Variants in FRMPD3 observed in about 807,000 individuals in gnomAD.
The protein encoded by FRMPD3 is FERM and PDZ domain containing 3.
In FRMPD3, 42 loss-of-function variants were observed where a neutral mutation model predicts 97.9. The ratio of observed to expected loss-of-function variants is 0.43; its 90% CI spans 0.34 to 0.55. The LOEUF is 0.55. Ranked by LOEUF, FRMPD3 falls within the 20% of genes least tolerant of loss-of-function variation. The pLI is 0.03. For missense variants in FRMPD3, 1,303 were observed against 1,457.7 expected, an observed-to-expected ratio of 0.89 and a Z score of 1.73; for synonymous variants, 577 against 581.1, an observed-to-expected ratio of 0.99 and a Z score of 0.10.
chrX:107,522,256 A>G (rs916741100), intron 1 of FRMPD3, among the ~76,000 whole-genome samples: 9 of 112,006 alleles, frequency 8.0e-5, no homozygotes, highest in African/African-American at 2.9e-4. Context: ...TAATGCTATC[A>G]ATAACATCGC....
At chrX:107,486,028 T>G (rs1921494872) in intron 1 of FRMPD3, among the ~76,000 whole-genome samples, 1 of 112,301 alleles carries the variant, frequency 8.9e-6, no homozygotes, top group African/African-American at 3.2e-5. Context: ...TCCTGCCTTG[T>G]CCATGACGGA....
At chrX:107,527,926 G>T (rs995381009) in intron 2 of FRMPD3, among the ~76,000 whole-genome samples, 6 of 111,571 alleles carry the variant, frequency 5.4e-5, no homozygotes, top group Admixed American at 1.9e-4. Context: ...TGGCAAAAAG[G>T]TTTTGAATCT....
In FRMPD3 at chrX:107,590,351, A is replaced by AAAAGAAAGAAAG. The variant is rs200194961; in HGVS notation, c.1442-6954_1442-6943dup. On this transcript the variant is annotated intron_variant, in intron 13 of 14. Transcript: ENST00000683843. The stretch of plus-strand genomic sequence containing the variant: ...TCTGGACAGACCCCAGACTAAAAAG[A>AAAAGAAAGAAAG]AAAGAAAGAAAGAAAGAAAGAAAGA... 4.1e-3 allele frequency among the ~76,000 whole-genome samples: 452 copies of AAAAGAAAGAAAG among 109,040 alleles called. 8 individuals are homozygous for AAAAGAAAGAAAG. The highest frequency in any genetic ancestry group is 0.015 in the African/African-American group (428 of 28,589). The allele number at this position is 109,040 out of a possible 115,157, so 94.7% of individuals were successfully genotyped here. A position where few individuals can be genotyped will look rare whatever the true frequency, so the allele number is the denominator to read the frequency against.
intron 4 of FRMPD3, among the ~76,000 whole-genome samples, chrX:107,540,299 G>C (rs1005354074): frequency 8.9e-6 from 1 of 111,926 alleles, no homozygotes; most frequent in African/African-American, 3.3e-5. Flanking sequence ...GTAGGCTCAG[G>C]TGTCAAAGGC....
chrX:107,600,247 G>T, intron 14 of FRMPD3, 56 bp from the exon 15 acceptor site: 2 of 1,118,966 alleles, frequency 1.8e-6, no homozygotes, highest in Non-Finnish European at 2.4e-6. Flanking sequence ...ACCGTGTAGA[G>T]CTGGAAAAGA....
chrX:107,489,654 C>T (rs1398779070), intron 1 of FRMPD3, among the ~76,000 whole-genome samples: 1 of 112,150 alleles, frequency 8.9e-6, no homozygotes, highest in Non-Finnish European at 1.9e-5. Flanking sequence ...AGTGTCTGTT[C>T]ATATCCTTTG....
chrX:107,566,506 G>A (rs767547593), intron 12 of FRMPD3, among the ~76,000 whole-genome samples: 1 of 112,259 alleles, frequency 8.9e-6, no homozygotes, highest in African/African-American at 3.2e-5. Context: ...GGGCAGAGAA[G>A]GGGGCAGGGA....
At chrX:107,597,220 C>T in intron 13 of FRMPD3, 101 bp from the exon 14 acceptor site, 1 of 725,272 alleles carries the variant, frequency 1.4e-6, no homozygotes, top group South Asian at 2.6e-5. Context: ...TGGGACCTGC[C>T]ACTTGATTGT....
chrX:107,554,863 T>G (rs1412132167), intron 8 of FRMPD3: 2 of 186,813 alleles, frequency 1.1e-5, no homozygotes, highest in East Asian at 2.2e-4. Flanking sequence ...GATTCCCAAT[T>G]CAGTTTATCC....
chrX:107,463,503 A>G (rs943039587), intron 1 of FRMPD3, among the ~76,000 whole-genome samples: 12 of 112,552 alleles, frequency 1.1e-4, no homozygotes, highest in Non-Finnish European at 2.1e-4. Context: ...TAATATTTCT[A>G]TAGCACTCAG....
chrX:107,548,141 G>T (rs185500559), intron 5 of FRMPD3, among the ~76,000 whole-genome samples: 2 of 111,906 alleles, frequency 1.8e-5, no homozygotes, highest in East Asian at 5.6e-4. Flanking sequence ...TTCTCATCTG[G>T]CTTCTCAAAT....
intron 2 of FRMPD3, among the ~76,000 whole-genome samples, 175 bp downstream of exon 2, chrX:107,526,911 A>G (rs1309678322): frequency 8.9e-6 from 1 of 111,803 alleles, no homozygotes; most frequent in Non-Finnish European, 1.9e-5. Flanking sequence ...TTTAAGACTG[A>G]TAGACACAAC....
intron 1 of FRMPD3, among the ~76,000 whole-genome samples, chrX:107,485,148 T>TGA (rs966380726): frequency 8.9e-5 from 10 of 112,792 alleles, no homozygotes; most frequent in African/African-American, 1.3e-4. Flanking sequence ...GTCACGCCAG[T>TGA]GGGCTAGGCC....
intron 1 of FRMPD3, among the ~76,000 whole-genome samples, chrX:107,525,318 C>G (rs1458469009): frequency 8.1e-5 from 9 of 111,758 alleles, no homozygotes; most frequent in Non-Finnish European, 1.9e-5. Flanking sequence ...ATCCATTCCT[C>G]CTTTTACCTT....
chrX:107,476,680 G>A (rs1921209062), intron 1 of FRMPD3, among the ~76,000 whole-genome samples: 1 of 112,369 alleles, frequency 8.9e-6, no homozygotes, highest in African/African-American at 3.2e-5. Flanking sequence ...ATTCTTTTGG[G>A]CTACCCAGAA....
At chrX:107,550,687 T>C (rs1371031029) in intron 6 of FRMPD3, among the ~76,000 whole-genome samples, 1 of 111,352 alleles carries the variant, frequency 9.0e-6, no homozygotes, top group Non-Finnish European at 1.9e-5. Flanking sequence ...TGAGCTGTGA[T>C]TCTTCACAGC....
At position 107,560,429 on chromosome X, in the gene FRMPD3, A is replaced by G. The variant is rs372566324; in HGVS notation, c.899+36A>G. The G allele has an allele frequency of 8.3e-6, 10 of 1,198,450 alleles. No homozygotes were observed. In the African/African-American group the frequency reaches 1.8e-4, roughly 21 times the overall value. On this transcript the variant is annotated intron_variant, in intron 9 of 14. Transcript: ENST00000683843. ...CTGCGGCCCGTTGGGATGGGGGGCG[A>G]ATAGTTGCGTAGGGAAAAGGTACAC... is the stretch of plus-strand genomic sequence containing the variant.
rs1006053994 is a variant in FRMPD3, at chrX:107,602,913, C to T, written c.4874C>T (p.Ser1625Phe). The stretch of plus-strand genomic sequence containing the variant: ...CCCAAGCCCTATGTGTCTCAGATCT[C>T]CGAGTATAAGCTTGAGCTAGCTCTC... Reference protein sequence around the residue: ...RAPKPYVSQISEYKLELALKF... With the variant: ...RAPKPYVSQIFEYKLELALKF... Residue 1625 changes from serine to phenylalanine, a missense_variant, in exon 15 of 15, where the codon TCC becomes TTC. Ser to Phe is a radical substitution (Grantham distance 155). Transcript: ENST00000683843. 8.3e-7 allele frequency: 1 copy of T among 1,209,983 alleles called. No homozygotes were observed. The highest frequency in any genetic ancestry group is 1.1e-6 in the Non-Finnish European group (1 of 895,282).
At chrX:107,556,670 G>A (rs1473909693) in intron 8 of FRMPD3, among the ~76,000 whole-genome samples, 1 of 111,822 alleles carries the variant, frequency 8.9e-6, no homozygotes, top group Non-Finnish European at 1.9e-5. Flanking sequence ...TGTCACTATA[G>A]ATTAGTTTGC....
Sources: gnomAD v4.1 joint callset for allele counts (sites outside exome capture counted in the v4.1 genomes callset) on GRCh38, gnomAD v4.1.1 for gene constraint, MANE v1.5 for transcripts, NCBI Gene and HGNC (gene_info 2026-07-23, HGNC 2026-07-21) for gene names.